Variants in WDR27 observed in about 807,000 individuals in gnomAD.
The protein encoded by WDR27 is WD repeat-containing protein 27.
Under a neutral mutation model 114.4 loss-of-function variants are expected in WDR27, and 100 were observed. The ratio of observed to expected loss-of-function variants is 0.87; its 90% CI spans 0.74 to 1.03. The LOEUF (loss-of-function observed/expected upper bound fraction) is 1.03. WDR27 is among the 50% of genes least tolerant of loss of function. WDR27 has a pLI of 0.00. For missense variants in WDR27, 1,129 were observed against 1,092.9 expected (o/e 1.03, Z -0.47); for synonymous variants, 449 against 423.1 (o/e 1.06, Z -0.75).
At chr6:169,502,462 G>C (rs1394037163) in intron 25 of WDR27, among the ~76,000 whole-genome samples, 2 of 152,320 alleles carry the variant, frequency 1.3e-5, no homozygotes, top group East Asian at 3.9e-4. Context: ...AACAACACCA[G>C]TTTATTCTTC....
chr6:169,470,815 G>A (rs1457912835), intron 25 of WDR27, among the ~76,000 whole-genome samples: 1 of 152,106 alleles, frequency 6.6e-6, no homozygotes, highest in Non-Finnish European at 1.5e-5. Context: ...TGGGGTAAAG[G>A]AGCATGCAAT....
intron 25 of WDR27, among the ~76,000 whole-genome samples, chr6:169,485,273 G>T (rs1000455452): frequency 6.6e-6 from 1 of 152,130 alleles, no homozygotes; most frequent in Non-Finnish European, 1.5e-5. Context: ...TGCATCTGAC[G>T]AAGGTCTAAT....
chr6:169,659,369 C>T lies in WDR27; in HGVS notation c.1197+82G>A. 6.3e-7 allele frequency: 1 copy of T among 1,582,544 alleles called. No homozygotes were observed. Among genetic ancestry groups the T allele is most frequent in the Non-Finnish European group, 8.6e-7 (1 of 1,158,630 alleles). ...ACACACAAAATCCCGTTTACTCAGC[C>T]AGTCGTTACAGGATCACTCTGAAGA... On this transcript the variant is annotated intron_variant, in intron 11 of 25. Transcript: ENST00000448612. The surrounding 1 kb of genome is among the most constrained non-coding windows in gnomAD (Gnocchi z 4.3).
intron 25 of WDR27, among the ~76,000 whole-genome samples, chr6:169,502,798 AGG>A (rs1791504588): frequency 6.6e-6 from 1 of 152,064 alleles, no homozygotes; most frequent in Admixed American, 6.5e-5. Context: ...CCCACGTTCC[AGG>A]GGTTAGGACT....
chr6:169,615,489 C>T (rs140808646), intron 21 of WDR27, among the ~76,000 whole-genome samples: 4 of 152,192 alleles, frequency 2.6e-5, no homozygotes, highest in East Asian at 1.9e-4. Context: ...CACATACCTA[C>T]GACCGACTGA....
intron 1 of WDR27, among the ~76,000 whole-genome samples, chr6:169,697,937 G>A (rs957667223): frequency 7.2e-5 from 11 of 152,156 alleles, no homozygotes; most frequent in South Asian, 4.1e-4. Context: ...TCGTCCCCGC[G>A]CACGGGGAGA....
At chr6:169,540,779 C>T (rs985180619) in intron 25 of WDR27, among the ~76,000 whole-genome samples, 1 of 152,086 alleles carries the variant, frequency 6.6e-6, no homozygotes, top group African/African-American at 2.4e-5. Context: ...TTTCTGTCCA[C>T]CTGCATGAAC....
At chr6:169,450,802 G>A in the WDR27 span, among the ~76,000 whole-genome samples, 1 of 152,176 alleles carries the variant, frequency 6.6e-6, no homozygotes, top group Non-Finnish European at 1.5e-5. Flanking sequence ...GCTAGGATCA[G>A]CGGTTTGCTC....
chr6:169,517,991 T>TGG (rs1583923079), intron 25 of WDR27, among the ~76,000 whole-genome samples: 2 of 152,200 alleles, frequency 1.3e-5, no homozygotes, highest in East Asian at 3.9e-4. Context: ...AGGCAGTCAT[T>TGG]AAATCTTAAA....
At chr6:169,501,474 G>A (rs921348327) in intron 25 of WDR27, among the ~76,000 whole-genome samples, 2 of 152,182 alleles carry the variant, frequency 1.3e-5, no homozygotes, top group Admixed American at 6.5e-5. Context: ...GGTGTTGTAC[G>A]AAGATGAATA....
chr6:169,613,519 G>C (rs773067275), intron 22 of WDR27, 40 bp downstream of exon 22: 6 of 1,521,366 alleles, frequency 3.9e-6, no homozygotes, highest in Non-Finnish European at 5.4e-6. Flanking sequence ...TATCTCTTGA[G>C]CTCCCCACCC....
chr6:169,609,171 T>C (rs1263500811), intron 22 of WDR27, among the ~76,000 whole-genome samples: 1 of 151,950 alleles, frequency 6.6e-6, no homozygotes, highest in African/African-American at 2.4e-5. Context: ...GTTGAGTGTC[T>C]GCAGCTTTTC....
At chr6:169,673,674 G>C (rs1446601379) in intron 2 of WDR27, among the ~76,000 whole-genome samples, 4 of 151,894 alleles carry the variant, frequency 2.6e-5, no homozygotes, top group African/African-American at 9.7e-5. Flanking sequence ...AAGGGGCTAC[G>C]GGCACAAAAA....
At chr6:169,647,328 C>T (rs895569893) in intron 16 of WDR27, among the ~76,000 whole-genome samples, 2 of 152,192 alleles carry the variant, frequency 1.3e-5, no homozygotes, top group African/African-American at 4.8e-5. Context: ...GAATCCTGTG[C>T]GCAGCCTGCA....
chr6:169,442,477 T>C, the WDR27 span, among the ~76,000 whole-genome samples: 1 of 152,210 alleles, frequency 6.6e-6, no homozygotes, highest in Non-Finnish European at 1.5e-5. Flanking sequence ...AGGTGAAAGG[T>C]AAAAGGTAAA....
intron 6 of WDR27, chr6:169,666,302 C>T: frequency 1.6e-5 from 13 of 812,220 alleles, no homozygotes; most frequent in Non-Finnish European, 1.9e-5. Flanking sequence ...ATAGTCCACA[C>T]ATGGATACAT....
intron 18 of WDR27, among the ~76,000 whole-genome samples, chr6:169,638,322 CAAAAAAAAA>C (rs60501000): frequency 0.055 from 611 of 11,050 alleles, 50 homozygotes; most frequent in African/African-American, 0.12. Context: ...GACTCCGTCT[CAAAAAAAAA>C]AAAAAAAAAA....
intron 17 of WDR27, among the ~76,000 whole-genome samples, chr6:169,643,434 C>T (rs895223169): frequency 1.3e-5 from 2 of 152,224 alleles, no homozygotes; most frequent in Admixed American, 6.5e-5. Flanking sequence ...TGACTTCATT[C>T]ACTCCCCTAA....
chr6:169,476,708 A>T (rs1787229109), intron 25 of WDR27, among the ~76,000 whole-genome samples: 1 of 152,182 alleles, frequency 6.6e-6, no homozygotes, highest in Admixed American at 6.5e-5. Flanking sequence ...ACTTTCAAGT[A>T]TGAGTTGCCA....
Sources: gnomAD v4.1 joint callset for allele counts (sites outside exome capture counted in the v4.1 genomes callset) on GRCh38, gnomAD v4.1.1 for gene constraint, Gnocchi (gnomAD v3.1) non-coding constraint, MANE v1.5 for transcripts, NCBI Gene and HGNC (gene_info 2026-07-23, HGNC 2026-07-21) for gene names.